The following SLC29A3 variants were observed in gnomAD, a reference collection of about 807,000 sequenced individuals.
The protein encoded by SLC29A3 is equilibrative nucleoside transporter 3.
Under a neutral mutation model 25.4 loss-of-function variants are expected in SLC29A3, and 18 were observed. The observed-to-expected ratio is 0.71, with a 90% CI of 0.49 to 1.05. The LOEUF is 1.05. SLC29A3 is among the 50% of genes least tolerant of loss of function. The pLI, the probability that SLC29A3 is intolerant of heterozygous loss-of-function variation, is 0.00. For missense variants in SLC29A3, 586 were observed against 609.0 expected (o/e 0.96, Z 0.40); for synonymous variants, 258 against 267.1 (o/e 0.97, Z 0.33).
intron 4 of SLC29A3, among the ~76,000 whole-genome samples, chr10:71,378,820 T>C (rs1847280483): frequency 2.0e-5 from 3 of 152,196 alleles, no homozygotes; most frequent in Admixed American, 2.0e-4. Flanking sequence ...CACATCTTTT[T>C]TTGGTCTCCT....
intron 2 of SLC29A3, among the ~76,000 whole-genome samples, chr10:71,337,373 G>A (rs1056873193): frequency 2.0e-5 from 3 of 152,230 alleles, no homozygotes; most frequent in Admixed American, 6.5e-5. Context: ...ATCCCAGGCC[G>A]CAGAACTCAG....
At chr10:71,320,401 C>T (rs75201084) in intron 1 of SLC29A3, among the ~76,000 whole-genome samples, 1 of 152,158 alleles carries the variant, frequency 6.6e-6, no homozygotes, top group Non-Finnish European at 1.5e-5. Context: ...GTGGCTTAAA[C>T]AAAATTTGTT....
At chr10:71,321,162 A>G (rs2131793852) in intron 1 of SLC29A3, among the ~76,000 whole-genome samples, 1 of 152,258 alleles carries the variant, frequency 6.6e-6, no homozygotes, top group Admixed American at 6.5e-5. Context: ...AGTTCTTTCT[A>G]TTTGTGGGAC....
At chr10:71,343,136 C>T (rs150189922) in intron 2 of SLC29A3, among the ~76,000 whole-genome samples, 22 of 152,300 alleles carry the variant, frequency 1.4e-4, no homozygotes, top group African/African-American at 5.3e-4. Context: ...CCATGCCCGA[C>T]TAATTTTTTT....
At chr10:71,342,324 T>C (rs1328280253) in intron 2 of SLC29A3, among the ~76,000 whole-genome samples, 3 of 152,352 alleles carry the variant, frequency 2.0e-5, no homozygotes, top group South Asian at 4.1e-4. Context: ...TCTGTGCTCA[T>C]GGAATGATGG....
At chr10:71,376,391 T>C (rs1223120310) in intron 4 of SLC29A3, among the ~76,000 whole-genome samples, 4 of 28,578 alleles carry the variant, frequency 1.4e-4, no homozygotes, top group Non-Finnish European at 3.4e-4. Context: ...TCTGGCCCTG[T>C]AGAGCTGTGT....
intron 3 of SLC29A3, among the ~76,000 whole-genome samples, chr10:71,350,427 C>T (rs1354062279): frequency 6.6e-6 from 1 of 151,656 alleles, no homozygotes; most frequent in Non-Finnish European, 1.5e-5. Context: ...CAGCCCCCTC[C>T]CACTGGTTAG....
chr10:71,376,900 C>G lies in SLC29A3; in HGVS notation c.*211+1089C>G, dbSNP rs1452056475. ...TGCCTCTGCCTCTGCCTCAGCCTCC[C>G]GAGTAGCTGGGATTACAGGCACCTG... On this transcript the variant is annotated intron_variant and NMD_transcript_variant, in intron 4 of 4. Coordinates refer to the SLC29A3 transcript ENST00000642772. Among the ~76,000 whole-genome samples the G allele has an allele frequency of 3.3e-5, 5 of 152,126 alleles. No homozygotes were observed. The South Asian group carries it at 8.3e-4, about 25-fold the overall frequency.
At position 71,362,549 on chromosome 10, in the gene SLC29A3, GT is replaced by G; in HGVS notation, c.1370del (p.Val457GlyfsTer5). 6.2e-7 allele frequency: 1 copy of G among 1,614,162 alleles called. No individual in the cohort carries two copies. The highest frequency in any genetic ancestry group is 8.5e-7 in the Non-Finnish European group (1 of 1,180,040). The part of the protein sequence containing the change: ...EATGVVMSFY[V>X]CLGLTLGSAC... ...CACGGGAGTGGTGATGTCCTTTTAT[GT>G]GTGCTTGGGCTTAACACTGGGCTCA... On this transcript the variant is annotated frameshift_variant, in exon 6 of 6. Coordinates refer to ENST00000373189, the MANE Select transcript of SLC29A3 (RefSeq NM_018344.6). LOFTEE classifies it high-confidence loss of function.
chr10:71,355,034 C>T (rs1480014551), intron 4 of SLC29A3, among the ~76,000 whole-genome samples: 1 of 152,226 alleles, frequency 6.6e-6, no homozygotes, highest in Admixed American at 6.5e-5. Flanking sequence ...GACATGTCTG[C>T]TGCCTCCCAG....
At position 71,371,823 on chromosome 10, in the gene SLC29A3, T is replaced by C. The variant is rs559442747; in HGVS notation, c.*95-3872T>C. On this transcript the variant is annotated intron_variant and NMD_transcript_variant, in intron 3 of 4. Transcript: ENST00000642772. Reference sequence around the variant, plus strand: ...CTCTCCATCCAGGCTAAATGATTACTTCTCCTCCCATCGCCCTTGGAGGTT... The same window carrying C: ...CTCTCCATCCAGGCTAAATGATTACCTCTCCTCCCATCGCCCTTGGAGGTT... Among the ~76,000 whole-genome samples the C allele has an allele frequency of 4.6e-5, 7 of 152,360 alleles. No homozygotes were observed. In the South Asian group the frequency reaches 1.4e-3, roughly 32 times the overall value.
Position 71,352,298 on chromosome 10 carries a change from C to T in SLC29A3, c.610+510C>T, listed in dbSNP as rs184693283. On this transcript the variant is annotated intron_variant, in intron 4 of 5. Coordinates refer to ENST00000373189, the MANE Select transcript of SLC29A3 (RefSeq NM_018344.6). ...GTCAGTTCTGCCATAGCCATAAGCT[C>T]ACCCAGACTCAAGACAGATGGACCC... Among the ~76,000 whole-genome samples the T allele has an allele frequency of 5.5e-3, 830 of 152,270 alleles. 21 individuals carry two copies. Among genetic ancestry groups the T allele is most frequent in the South Asian group, 0.021 (103 of 4,818 alleles).
chr10:71,328,424 C>A lies in SLC29A3; in HGVS notation c.300+5370C>A, dbSNP rs960532535. On this transcript the variant is annotated intron_variant, in intron 2 of 5. Coordinates refer to ENST00000373189, the MANE Select transcript of SLC29A3 (RefSeq NM_018344.6). Reference sequence around the variant, plus strand: ...TGCCCTACAGCTCATGGAGACCGAGCGCTGGCTGGGTGGGAGCTCCTGCTC... The same window carrying A: ...TGCCCTACAGCTCATGGAGACCGAGAGCTGGCTGGGTGGGAGCTCCTGCTC... Among the ~76,000 whole-genome samples the A allele has an allele frequency of 3.9e-5, 6 of 152,186 alleles. 1 individual carries two copies. Among genetic ancestry groups the A allele is most frequent in the Admixed American group, 3.9e-4 (6 of 15,286 alleles).
chr10:71,363,808 C>CTTTTTTTTTTTTTTTTTTTT (rs71012277), downstream of SLC29A3, among the ~76,000 whole-genome samples: 16 of 103,716 alleles, frequency 1.5e-4, 1 homozygote, highest in Non-Finnish European at 2.5e-4. Context: ...TTTCCTTTTT[C>CTTTTTTTTTTTTTTTTTTTT]TTTTCTTTTT....
chr10:71,338,766 GA>G (rs973167905), intron 2 of SLC29A3, among the ~76,000 whole-genome samples: 2 of 151,134 alleles, frequency 1.3e-5, no homozygotes, highest in Non-Finnish European at 3.0e-5. Context: ...CGAAAAAAAA[GA>G]AAAAAAAATC....
intron 1 of SLC29A3, among the ~76,000 whole-genome samples, chr10:71,321,080 G>A (rs1294720205): frequency 6.6e-6 from 1 of 152,184 alleles, no homozygotes; most frequent in Non-Finnish European, 1.5e-5. Context: ...GCTGTTGTCA[G>A]CCTCAAGTGT....
chr10:71,350,387 A>T (rs890673412), intron 3 of SLC29A3, among the ~76,000 whole-genome samples: 1 of 145,982 alleles, frequency 6.9e-6, no homozygotes, highest in Admixed American at 6.8e-5. Context: ...TTTTTTAATT[A>T]AAAAAAAGTA....
In SLC29A3 at chr10:71,351,806, G is replaced by C. The variant is rs766543942; in HGVS notation, c.610+18G>C. 4 of 1,593,506 alleles carry C rather than the reference G, an allele frequency of 2.5e-6. No individual in the cohort carries two copies. The highest frequency in any genetic ancestry group is 3.4e-6 in the Non-Finnish European group (4 of 1,171,374). Reference sequence around the variant, plus strand: ...GATATCAGGTGAGAGCCAGGGTCCGGGCAGCTGACCAGGTTCATCCACCCA... The same window carrying C: ...GATATCAGGTGAGAGCCAGGGTCCGCGCAGCTGACCAGGTTCATCCACCCA... On this transcript the variant is annotated intron_variant, in intron 4 of 5. Coordinates refer to ENST00000373189, the MANE Select transcript of SLC29A3 (RefSeq NM_018344.6).
chr10:71,327,056 G>A (rs554057169), intron 2 of SLC29A3, among the ~76,000 whole-genome samples: 20 of 152,284 alleles, frequency 1.3e-4, no homozygotes, highest in Non-Finnish European at 2.2e-4. Flanking sequence ...GGAAGGAGGG[G>A]GAGAGTCAAA....
Sources: allele counts gnomAD v4.1 joint callset (sites outside exome capture counted in the v4.1 genomes callset), GRCh38; gene constraint gnomAD v4.1.1; transcripts MANE v1.5; gene names NCBI Gene and HGNC (gene_info 2026-07-23, HGNC 2026-07-21).